PCCA: variants seen among roughly 807,000 people sequenced by gnomAD.
The protein encoded by PCCA is propionyl-CoA carboxylase subunit alpha.
A neutral mutation model predicts 101.3 loss-of-function variants in PCCA; 74 were observed. The observed-to-expected ratio is 0.73, with a 90% CI of 0.61 to 0.89. The LOEUF is 0.89. Ranked by LOEUF, PCCA falls within the 40% of genes least tolerant of loss-of-function variation. PCCA has a pLI of 0.00. For synonymous variants in PCCA, 294 were observed against 313.6 expected, an observed-to-expected ratio of 0.94 and a Z score of 0.66; for missense variants, 891 against 907.0, an observed-to-expected ratio of 0.98 and a Z score of 0.23.
At chr13:100,117,989 T>C (rs373634362) in intron 4 of PCCA, among the ~76,000 whole-genome samples, 2 of 151,412 alleles carry the variant, frequency 1.3e-5, no homozygotes, top group African/African-American at 2.4e-5. Context: ...GGTGGCAGGC[T>C]CCTGTGGTCC....
At chr13:100,497,461 A>T (rs1286204500) in intron 21 of PCCA, among the ~76,000 whole-genome samples, 3 of 142,660 alleles carry the variant, frequency 2.1e-5, no homozygotes, top group Non-Finnish European at 4.6e-5. Context: ...AGCCAATTTA[A>T]TTTTTTTTTT....
intron 21 of PCCA, among the ~76,000 whole-genome samples, chr13:100,502,950 G>T (rs1401669564): frequency 1.3e-5 from 2 of 152,196 alleles, no homozygotes; most frequent in Non-Finnish European, 2.9e-5. Flanking sequence ...TGGAAGCTGA[G>T]GCTGACGCAG....
intron 19 of PCCA, among the ~76,000 whole-genome samples, chr13:100,377,685 A>G (rs963628875): frequency 1.3e-5 from 2 of 151,814 alleles, no homozygotes; most frequent in South Asian, 2.1e-4. Context: ...TAGTAGAGAC[A>G]GGGTTTCACC....
intron 8 of PCCA, among the ~76,000 whole-genome samples, chr13:100,251,049 G>A (rs2061719533): frequency 1.3e-5 from 2 of 152,140 alleles, no homozygotes; most frequent in African/African-American, 4.8e-5. Context: ...ATGTGGCTTG[G>A]ATGGGGGCAA....
chr13:100,405,806 C>A (rs9518065), intron 19 of PCCA, among the ~76,000 whole-genome samples: 24,306 of 135,212 alleles, frequency 0.18, 2,396 homozygotes, highest in Middle Eastern at 0.35. Flanking sequence ...GAGTCTTGCT[C>A]TGTTGCCAGG....
At chr13:100,493,988 T>G (rs1481521381) in intron 21 of PCCA, among the ~76,000 whole-genome samples, 2 of 151,900 alleles carry the variant, frequency 1.3e-5, no homozygotes, top group Admixed American at 1.3e-4. Flanking sequence ...CAGGAGCTGG[T>G]GACCATCCTG....
chr13:100,237,200 CTT>C (rs958618659), intron 8 of PCCA: 6 of 152,260 alleles, frequency 3.9e-5, no homozygotes. Flanking sequence ...GACAGTCTAA[CTT>C]AGCAGGTCTT....
chr13:100,283,064 G>T (rs1034347991), intron 12 of PCCA, among the ~76,000 whole-genome samples: 2 of 151,970 alleles, frequency 1.3e-5, no homozygotes, highest in African/African-American at 4.8e-5. Context: ...GATCAAGGCA[G>T]ACCTGGGGAA....
chr13:100,421,093 G>A (rs1479177766), intron 19 of PCCA, among the ~76,000 whole-genome samples: 1 of 152,122 alleles, frequency 6.6e-6, no homozygotes, highest in Non-Finnish European at 1.5e-5. Flanking sequence ...TGTAATTCCA[G>A]CTACTCAGGA....
intron 6 of PCCA, among the ~76,000 whole-genome samples, chr13:100,182,572 T>G (rs2056900261): frequency 6.6e-6 from 1 of 152,108 alleles, no homozygotes; most frequent in Non-Finnish European, 1.5e-5. Flanking sequence ...TAGCTAGCCT[T>G]GAAGACAGCA....
intron 4 of PCCA, chr13:100,150,376 A>G (rs2053152012): frequency 3.8e-6 from 1 of 262,932 alleles, no homozygotes; most frequent in Non-Finnish European, 6.3e-6. Flanking sequence ...ATTTAAATTT[A>G]TTTTTTATTT....
In PCCA at chr13:100,170,262, TG is replaced by T. The variant is rs1278472150; in HGVS notation, c.468+12923del. The stretch of plus-strand genomic sequence containing the variant: ...CTTAGAATTCAGTTGGAAAGATTTT[TG>T]TTTTTGTTCTAGTGAAGGAAGTACA... On this transcript the variant is annotated intron_variant, in intron 6 of 23. Coordinates refer to ENST00000376285, the MANE Select transcript of PCCA (RefSeq NM_000282.4). 3.9e-4 allele frequency among the ~76,000 whole-genome samples: 60 copies of T among 152,248 alleles called. 3 individuals carry two copies.
chr13:100,130,663 A>G (rs558451172), intron 4 of PCCA, among the ~76,000 whole-genome samples: 12 of 152,304 alleles, frequency 7.9e-5, no homozygotes, highest in African/African-American at 1.7e-4. Context: ...CTGTAAATCA[A>G]TGATAGATTA....
At chr13:100,478,230 A>G (rs2083577617) in intron 21 of PCCA, among the ~76,000 whole-genome samples, 1 of 152,152 alleles carries the variant, frequency 6.6e-6, no homozygotes, top group Non-Finnish European at 1.5e-5. Context: ...TGTCTCCTCC[A>G]GAGAAAAGTT....
intron 19 of PCCA, among the ~76,000 whole-genome samples, chr13:100,415,959 A>G (rs2078330932): frequency 6.6e-6 from 1 of 152,162 alleles, no homozygotes; most frequent in Non-Finnish European, 1.5e-5. Flanking sequence ...TTAATGGTAA[A>G]GGATGTCAGT....
intron 21 of PCCA, among the ~76,000 whole-genome samples, chr13:100,452,670 T>C (rs1425028062): frequency 6.6e-6 from 1 of 152,160 alleles, no homozygotes; most frequent in Non-Finnish European, 1.5e-5. Context: ...TCATTAGCAG[T>C]TACCACTGCT....
At chr13:100,246,718 G>C (rs7333362) in intron 8 of PCCA, among the ~76,000 whole-genome samples, 108,353 of 151,924 alleles carry the variant, frequency 0.71, 40,000 homozygotes, top group African/African-American at 0.91. Context: ...AGAGTATCAT[G>C]TTTTTCATTT....
At chr13:100,415,241 A>G in intron 19 of PCCA, among the ~76,000 whole-genome samples, 1 of 8,428 alleles carries the variant, frequency 1.2e-4, no homozygotes, top group Non-Finnish European at 3.6e-4. Context: ...CACCTCTACA[A>G]AAAAAAAAAA....
chr13:100,314,668 A>G (rs1174126531), intron 16 of PCCA, among the ~76,000 whole-genome samples: 1 of 152,212 alleles, frequency 6.6e-6, no homozygotes, highest in Non-Finnish European at 1.5e-5. Context: ...CCTGAGTATA[A>G]TCATGAGGAA....
Sources: gnomAD v4.1 joint callset for allele counts (sites outside exome capture counted in the v4.1 genomes callset) on GRCh38, gnomAD v4.1.1 for gene constraint, MANE v1.5 for transcripts, NCBI Gene and HGNC (gene_info 2026-07-23, HGNC 2026-07-21) for gene names.